The following HGF variants were observed in gnomAD, a reference collection of about 807,000 sequenced individuals.
The protein encoded by HGF is hepatocyte growth factor.
In HGF, 39 loss-of-function variants were observed where a neutral mutation model predicts 111.6. The observed-to-expected ratio is 0.35, with a 90% CI of 0.27 to 0.46. The LOEUF is 0.46. Among genes scored for constraint, HGF ranks in the 20% least tolerant of loss-of-function variants. The probability of loss-of-function intolerance (pLI) is 1.00; values close to 1 mark genes in which losing one functional copy is unlikely to be tolerated. For synonymous variants in HGF, 285 were observed against 294.8 expected (o/e 0.97, Z 0.34); for missense variants, 735 against 910.5 (o/e 0.81, Z 2.48).
In HGF at chr7:81,700,286, A is replaced by C. The variant is rs1434189623; in HGVS notation, c.*2295T>G. The C allele has an allele frequency of 6.6e-6, 1 of 151,622 alleles. No homozygotes were observed. Among genetic ancestry groups the C allele is most frequent in the Non-Finnish European group, 1.5e-5 (1 of 67,684 alleles). The allele number at this position is 151,622 out of a possible 1,614,324, so 9.4% of individuals were successfully genotyped here. On this transcript the variant is annotated 3_prime_UTR_variant, in exon 18 of 18. Transcript: ENST00000222390. ...ACCTAAAATAACATGGACCTTGTTC[A>C]TCTAAGTTTCATTGTCAATTCCACC...
chr7:81,705,453 C>T lies in HGF; in HGVS notation c.1947G>A (p.Lys649=), dbSNP rs1789396281. The T allele has an allele frequency of 6.2e-7, 1 of 1,612,856 alleles. No individual in the cohort carries two copies. Among genetic ancestry groups the T allele is most frequent in the Non-Finnish European group, 8.5e-7 (1 of 1,179,128 alleles). Residue 649 remains lysine, a synonymous_variant, in exon 17 of 18, where the codon AAG becomes AAA. Transcript: ENST00000222390. ...NEKCSQHHRG[K]VTLNESEICA... is the part of the protein sequence containing the mutation. ...ATATTTCAGACTCATTCAGAGTCAC[C>T]TTCCCTCGATGATGCTGGCTGCATT...
At chr7:81,745,728 C>T (rs1228048380) in intron 5 of HGF, among the ~76,000 whole-genome samples, 1 of 152,210 alleles carries the variant, frequency 6.6e-6, no homozygotes, top group Non-Finnish European at 1.5e-5. Context: ...GGCAGGTTTA[C>T]ATTCCTGTCT....
Position 81,707,377 on chromosome 7 carries a change from G to T in HGF, c.1542-13C>A. Reference sequence around the variant, plus strand: ...GATATGTTTATTTCTGTGAAAAAGAGGAAAGAGAAACAAGTAACATCTGTG... The same window carrying T: ...GATATGTTTATTTCTGTGAAAAAGATGAAAGAGAAACAAGTAACATCTGTG... On this transcript the variant is annotated splice_polypyrimidine_tract_variant and intron_variant, in intron 13 of 17. Transcript: ENST00000222390. 2.0e-6 allele frequency: 3 copies of T among 1,532,980 alleles called. No individual in the cohort carries two copies. Among genetic ancestry groups the T allele is most frequent in the South Asian group, 2.2e-5 (2 of 89,274 alleles). The allele number at this position is 1,532,980 out of a possible 1,614,324, so 95.0% of individuals were successfully genotyped here.
chr7:81,711,560 T>C, intron 11 of HGF, 41 bp from the exon 12 acceptor site: 1 of 833,202 alleles, frequency 1.2e-6, no homozygotes. Flanking sequence ...AATTCATATA[T>C]GCATATATCT....
Position 81,710,296 on chromosome 7 carries a change from G to C in HGF, c.1445-53C>G. The C allele has an allele frequency of 2.6e-6, 3 of 1,140,062 alleles. No homozygotes were observed. The East Asian group carries it at 7.1e-5, about 27-fold the overall frequency. 70.6% of individuals were successfully genotyped at this position (1,140,062 alleles called of 1,614,324 possible). A position where few individuals can be genotyped will look rare whatever the true frequency, so the allele number is the denominator to read the frequency against. ...TTAAAATAAGAATTTGAAATAATCA[G>C]TGCCTCTTAGTTTTCTTAAATGCAA... On this transcript the variant is annotated intron_variant, in intron 12 of 17. Transcript: ENST00000222390.
intron 13 of HGF, among the ~76,000 whole-genome samples, chr7:81,707,943 A>G (rs1789470638): frequency 6.6e-6 from 1 of 152,176 alleles, no homozygotes; most frequent in African/African-American, 2.4e-5. Flanking sequence ...TTTCATCTCT[A>G]AAGTAAAACA....
intron 5 of HGF, among the ~76,000 whole-genome samples, chr7:81,749,833 T>C (rs1316098760): frequency 6.6e-6 from 1 of 152,060 alleles, no homozygotes; most frequent in East Asian, 1.9e-4. Context: ...TTCAGGTGAT[T>C]ATATAGCCAA....
intron 5 of HGF, chr7:81,751,051 C>T: frequency 2.0e-6 from 2 of 984,720 alleles, no homozygotes; most frequent in African/African-American, 1.7e-5. Context: ...AATTCACTAA[C>T]AACAGAAAAC....
intron 4 of HGF, among the ~76,000 whole-genome samples, chr7:81,754,146 A>G (rs1256532333): frequency 1.3e-5 from 2 of 152,024 alleles, no homozygotes; most frequent in African/African-American, 2.4e-5. Flanking sequence ...CGGTTGCCCC[A>G]TATCTATCAC....
Position 81,710,241 on chromosome 7 carries a change from G to C in HGF, c.1447C>G (p.Pro483Ala), listed in dbSNP as rs1365057270. 1.2e-6 allele frequency: 2 copies of C among 1,605,972 alleles called. No individual in the cohort carries two copies. Among genetic ancestry groups the C allele is most frequent in the Middle Eastern group, 1.7e-4 (1 of 6,048 alleles). ...TTPTIVNLDH[P>A]VISCAKTKQL... is the part of the protein sequence containing the mutation. Reference sequence around the variant, plus strand: ...TTCGTTTTGGCACAAGATATTACGGGATCTGAAACAGGACCAAACATAACA... The same window carrying C: ...TTCGTTTTGGCACAAGATATTACGGCATCTGAAACAGGACCAAACATAACA... Residue 483 changes from proline (P) to alanine (A), a missense_variant and splice_region_variant, in exon 13 of 18, where the codon CCC (proline) becomes GCC (alanine). By Grantham distance (27) the Pro-to-Ala change is conservative. Around this residue, in one of 3 missense-constraint regions of HGF, gnomAD observed 553 missense variants for 685.6 expected, o/e 0.81. Coordinates refer to ENST00000222390, the MANE Select transcript of HGF (RefSeq NM_000601.6).
Position 81,747,232 on chromosome 7 carries a change from G to A in HGF, c.626-2112C>T, listed in dbSNP as rs563977611. Among the ~76,000 whole-genome samples the A allele has an allele frequency of 2.8e-4, 42 of 152,244 alleles. No homozygotes were observed. The South Asian group carries it at 6.6e-3, about 24-fold the overall frequency. ...TGGGCACCTGTAGTCCCAGCTACTC[G>A]GGAGGCTGATGCAGGAGAATGGCGT... On this transcript the variant is annotated intron_variant, in intron 5 of 17. Coordinates refer to ENST00000222390, the MANE Select transcript of HGF (RefSeq NM_000601.6).
At chr7:81,711,380 A>G (rs925158097) in intron 12 of HGF, 101 bp downstream of exon 12, 24 of 566,530 alleles carry the variant, frequency 4.2e-5, no homozygotes, top group East Asian at 1.6e-4. Flanking sequence ...TCTTTTTATA[A>G]TGGAAGCTAA....
At chr7:81,711,723 A>C (rs1341747482) in intron 11 of HGF, among the ~76,000 whole-genome samples, 1 of 152,072 alleles carries the variant, frequency 6.6e-6, no homozygotes, top group Non-Finnish European at 1.5e-5. Context: ...AGCTCACTGC[A>C]ACCTCCCCCT....
chr7:81,737,445 G>A (rs959870289), intron 7 of HGF, among the ~76,000 whole-genome samples: 4 of 152,026 alleles, frequency 2.6e-5, no homozygotes, highest in South Asian at 2.1e-4. Context: ...TTCTTAGAGC[G>A]TCCTGGGACA....
intron 9 of HGF, among the ~76,000 whole-genome samples, chr7:81,722,845 G>GTATATATATATA (rs144391393): frequency 4.1e-4 from 55 of 132,628 alleles, no homozygotes; most frequent in African/African-American, 1.7e-3. Context: ...ATTTAAAAAG[G>GTATATATATATA]TATATATATA....
At chr7:81,749,738 T>C (rs530831145) in intron 5 of HGF, among the ~76,000 whole-genome samples, 1 of 152,078 alleles carries the variant, frequency 6.6e-6, no homozygotes, top group Non-Finnish European at 1.5e-5. Flanking sequence ...TTTTGGAATA[T>C]TGACTATATT....
In HGF at chr7:81,717,263, G is replaced by T; in HGVS notation, c.1374C>A (p.Leu458=). 1 of 1,613,660 alleles carries T rather than the reference G, an allele frequency of 6.2e-7. No homozygotes were observed. Among genetic ancestry groups the T allele is most frequent in the Non-Finnish European group, 8.5e-7 (1 of 1,179,608 alleles). ...AAATAGGGCAATAATCCCAAGGAAT[G>T]AGTGGATTTCCCGTGTAGCACCAGG... is the stretch of plus-strand genomic sequence containing the variant. ...HGPWCYTGNP[L]IPWDYCPISR... Residue 458 remains leucine (L), a synonymous_variant, in exon 11 of 18, where the codon CTC becomes CTA. Coordinates refer to ENST00000222390, the MANE Select transcript of HGF (RefSeq NM_000601.6).
At chr7:81,745,478 T>A (rs1435924184) in intron 5 of HGF, among the ~76,000 whole-genome samples, 1 of 152,208 alleles carries the variant, frequency 6.6e-6, no homozygotes, top group Non-Finnish European at 1.5e-5. Flanking sequence ...AAGATCTCAG[T>A]ATCTATTTGT....
chr7:81,721,052 T>C (rs952525698), intron 9 of HGF, among the ~76,000 whole-genome samples: 66 of 152,328 alleles, frequency 4.3e-4, no homozygotes, highest in Admixed American at 2.3e-3. Flanking sequence ...GAGACCATCC[T>C]GGCTAACACG....
Sources: gnomAD v4.1 joint callset for allele counts (sites outside exome capture counted in the v4.1 genomes callset) on GRCh38, gnomAD v4.1.1 for gene constraint, gnomAD v4.1.1 regional missense constraint, MANE v1.5 for transcripts, NCBI Gene and HGNC (gene_info 2026-07-23, HGNC 2026-07-21) for gene names.